KIF13A: variants seen among roughly 807,000 people sequenced by gnomAD.
The protein encoded by KIF13A is kinesin-like protein KIF13A.
A neutral mutation model predicts 212.2 loss-of-function variants in KIF13A; 79 were observed. That is an observed-to-expected ratio of 0.37 (90% CI 0.31 to 0.45). The LOEUF is 0.45. Among genes scored for constraint, KIF13A ranks in the 20% least tolerant of loss-of-function variants. The probability of loss-of-function intolerance (pLI) is 1.00; values close to 1 mark genes in which losing one functional copy is unlikely to be tolerated. For synonymous variants in KIF13A, 789 were observed against 808.6 expected (o/e 0.98, Z 0.41); for missense variants, 1,901 against 2,209.0 (o/e 0.86, Z 2.79).
chr6:17,766,579 G>A (rs995508738), intron 38 of KIF13A, among the ~76,000 whole-genome samples: 1 of 151,842 alleles, frequency 6.6e-6, no homozygotes, highest in African/African-American at 2.4e-5. Context: ...TTACAGACAG[G>A]GGTCCTGCTC....
Position 17,771,747 on chromosome 6 carries a change from T to A in KIF13A, c.4476+161A>T, listed in dbSNP as rs576342606. ...CAACAACAAACAAGAGATTCTACCA[T>A]GACTCTGCATGCTTGAGAAAGAGGA... On this transcript the variant is annotated intron_variant, in intron 37 of 38. Transcript: ENST00000259711. This position sits in a 1 kb window ranked among gnomAD's most constrained non-coding sequence, Gnocchi z 5.4. The A allele has an allele frequency of 6.5e-6, 4 of 618,096 alleles. No individual in the cohort carries two copies. The highest frequency in any genetic ancestry group is 1.1e-5 in the Non-Finnish European group (4 of 348,708). 38.3% of individuals were successfully genotyped at this position (618,096 alleles called of 1,614,324 possible). A position where few individuals can be genotyped will look rare whatever the true frequency, so the allele number is the denominator to read the frequency against.
chr6:17,908,263 G>A (rs1452484605), intron 2 of KIF13A, among the ~76,000 whole-genome samples: 4 of 152,082 alleles, frequency 2.6e-5, no homozygotes, highest in Admixed American at 6.6e-5. Flanking sequence ...AGAAAAAAAT[G>A]GCTTCCTTTC....
At chr6:17,810,532 G>A (rs1306462339) in intron 17 of KIF13A, among the ~76,000 whole-genome samples, 1 of 152,216 alleles carries the variant, frequency 6.6e-6, no homozygotes, top group Non-Finnish European at 1.5e-5. Context: ...CATGGACCGA[G>A]GTTGGGGAAA....
intron 3 of KIF13A, among the ~76,000 whole-genome samples, chr6:17,877,026 A>C (rs2150443282): frequency 1.3e-5 from 2 of 151,892 alleles, no homozygotes; most frequent in African/African-American, 4.8e-5. Context: ...TGTTTATAGT[A>C]GTCACTTTAT....
rs1762288781 is a variant in KIF13A at position 17,799,280 on chromosome 6, A to T, written c.2776T>A (p.Phe926Ile). The T allele has an allele frequency of 1.3e-6, 2 of 1,599,130 alleles. No homozygotes were observed. Among genetic ancestry groups the T allele is most frequent in the East Asian group, 2.2e-5 (1 of 44,794 alleles). Residue 926 changes from phenylalanine (F) to isoleucine (I), a missense_variant, in exon 22 of 39, where the codon TTC (phenylalanine) becomes ATC (isoleucine). Physicochemically the swap from Phe to Ile is conservative, Grantham distance 21. Coordinates refer to ENST00000259711, the MANE Select transcript of KIF13A (RefSeq NM_022113.6). This position sits in a 1 kb window ranked among gnomAD's most constrained non-coding sequence, Gnocchi z 4.4. ...QSKDAQYTVT[F>I]SHCKDYVVNV... is the part of the protein sequence containing the mutation. ...GGCATTTGTACCTTACAGTGGGAGA[A>T]GGTCACTGTGTACTGGGCATCCTTG...
At chr6:17,859,620 T>TTTTTTATATATATATATATATA (rs1485260645) in intron 4 of KIF13A, among the ~76,000 whole-genome samples, 1 of 131,558 alleles carries the variant, frequency 7.6e-6, no homozygotes, top group Non-Finnish European at 1.6e-5. Context: ...GCAATGTATT[T>TTTTTTATATATATATATATATA]TATATATATA....
chr6:17,800,402 C>T (rs1447913686), intron 20 of KIF13A, among the ~76,000 whole-genome samples: 1 of 151,322 alleles, frequency 6.6e-6, no homozygotes, highest in African/African-American at 2.4e-5. Flanking sequence ...TTAAAGGTAG[C>T]TCTCACATTT....
chr6:17,791,676 G>C (rs561052215), intron 25 of KIF13A, among the ~76,000 whole-genome samples: 7 of 152,014 alleles, frequency 4.6e-5, no homozygotes, highest in Non-Finnish European at 1.0e-4. Context: ...CCAGGCAGGC[G>C]GATCATTTGA....
intron 2 of KIF13A, among the ~76,000 whole-genome samples, chr6:17,948,869 A>G (rs1336113774): frequency 2.0e-5 from 3 of 151,966 alleles, no homozygotes; most frequent in Non-Finnish European, 2.9e-5. Flanking sequence ...CCTGGCCCAA[A>G]CATCTTTTTT....
chr6:17,834,107 AT>A lies in KIF13A; in HGVS notation c.1156-37del. On this transcript the variant is annotated intron_variant, in intron 11 of 38. Transcript: ENST00000259711. The surrounding 1 kb of genome is among the most constrained non-coding windows in gnomAD (Gnocchi z 4.0). ...AAATCAGAGATATCTGATGTTCAAA[AT>A]TTTTCCACCATCATATACAAGACAA... 1 of 1,361,862 alleles carries A rather than the reference AT, an allele frequency of 7.3e-7. No homozygotes were observed. 84.4% of individuals were successfully genotyped at this position (1,361,862 alleles called of 1,614,324 possible).
At chr6:17,760,761 C>A, downstream of KIF13A, 10 of 1,282,394 alleles carry the variant, frequency 7.8e-6, no homozygotes, top group Non-Finnish European at 1.1e-5. Flanking sequence ...TCCAGCCAGG[C>A]GGCAGCATGT....
Position 17,794,507 on chromosome 6 carries a change from G to C in KIF13A, c.3075+65C>G, listed in dbSNP as rs1761868043. 2 of 1,562,462 alleles carry C rather than the reference G, an allele frequency of 1.3e-6. No individual in the cohort carries two copies. Among genetic ancestry groups the C allele is most frequent in the Non-Finnish European group, 1.7e-6 (2 of 1,153,526 alleles). ...GATACAAATAGTTAGAAAATCCCCA[G>C]AAACAATGTGTAAGAGTGGAACAGA... On this transcript the variant is annotated intron_variant, in intron 24 of 38. Coordinates refer to ENST00000259711, the MANE Select transcript of KIF13A (RefSeq NM_022113.6). The surrounding 1 kb of genome is among the most constrained non-coding windows in gnomAD (Gnocchi z 4.1).
Position 17,828,118 on chromosome 6 carries a change from C to A in KIF13A, c.1532+122G>T, listed in dbSNP as rs965353056. On this transcript the variant is annotated intron_variant, in intron 14 of 38. Transcript: ENST00000259711. The surrounding 1 kb of genome is among the most constrained non-coding windows in gnomAD (Gnocchi z 4.3). ...CTCTCTACAATCAGAAAGCAAGGGC[C>A]CCCTGAGGACCCCCATGTATCCTTA... The A allele has an allele frequency of 9.3e-6, 8 of 861,264 alleles. No individual in the cohort carries two copies. The African/African-American group carries it at 1.0e-4, about 11-fold the overall frequency. The allele number at this position is 861,264 out of a possible 1,614,324, so 53.4% of individuals were successfully genotyped here.
intron 3 of KIF13A, chr6:17,881,468 C>A: frequency 2.3e-6 from 1 of 428,432 alleles, no homozygotes; most frequent in Admixed American, 2.8e-5. Context: ...AGGCCAGGCA[C>A]AGTGGCTTAT....
intron 38 of KIF13A, among the ~76,000 whole-genome samples, chr6:17,767,255 A>T (rs950043741): frequency 6.9e-6 from 1 of 144,980 alleles, no homozygotes; most frequent in Non-Finnish European, 1.5e-5. Flanking sequence ...CTCAAAATTA[A>T]TTTTTTTTTT....
intron 17 of KIF13A, chr6:17,812,032 A>G (rs1478806671): frequency 2.0e-5 from 3 of 152,322 alleles, no homozygotes; most frequent in Admixed American, 2.0e-4. Context: ...CGACTTCTAC[A>G]CTTTTCCTTT....
At chr6:17,770,381 T>TTTTTTTTTTTC (rs1166630594) in intron 38 of KIF13A, 7 of 110,254 alleles carry the variant, frequency 6.3e-5, no homozygotes, top group Non-Finnish European at 9.2e-5. Context: ...TTTTTTTTTT[T>TTTTTTTTTTTC]TTTGTAAATT....
intron 3 of KIF13A, among the ~76,000 whole-genome samples, chr6:17,885,644 A>G (rs916517935): frequency 1.3e-5 from 2 of 152,246 alleles, no homozygotes; most frequent in African/African-American, 4.8e-5. Flanking sequence ...GTATCTCTAC[A>G]AAGAGCTAAT....
chr6:17,760,448 TATTA>T (rs2150277408), downstream of KIF13A: 1 of 163,842 alleles, frequency 6.1e-6, no homozygotes, highest in Admixed American at 6.0e-5. Flanking sequence ...ACATAATATA[TATTA>T]TTTATAAAAA....
Sources: allele counts gnomAD v4.1 joint callset (sites outside exome capture counted in the v4.1 genomes callset), GRCh38; gene constraint gnomAD v4.1.1; non-coding constraint Gnocchi (gnomAD v3.1); transcripts MANE v1.5; gene names NCBI Gene and HGNC (gene_info 2026-07-23, HGNC 2026-07-21).